The following ZNF536 variants were observed in gnomAD, a reference collection of about 807,000 sequenced individuals.
ZNF536 encodes zinc finger protein 536.
In ZNF536, 13 loss-of-function variants were observed where a neutral mutation model predicts 84.5. The ratio of observed to expected loss-of-function variants is 0.15; its 90% CI spans 0.10 to 0.24. ZNF536 has a LOEUF of 0.24. Ranked by LOEUF, ZNF536 falls within the 10% of genes least tolerant of loss-of-function variation. ZNF536 has a pLI of 1.00. For missense variants in ZNF536, 1,536 were observed against 1,747.5 expected, an observed-to-expected ratio of 0.88 and a Z score of 2.16; for synonymous variants, 811 against 742.5, an observed-to-expected ratio of 1.09 and a Z score of -1.50.
At chr19:30,689,742 A>C (rs891622818) in intron 1 of ZNF536, among the ~76,000 whole-genome samples, 1 of 152,206 alleles carries the variant, frequency 6.6e-6, no homozygotes, top group African/African-American at 2.4e-5. Flanking sequence ...CAGGGAGGGC[A>C]AAAGCTCCTA....
At chr19:30,687,455 G>T (rs1040179856) in intron 1 of ZNF536, among the ~76,000 whole-genome samples, 3 of 152,144 alleles carry the variant, frequency 2.0e-5, no homozygotes, top group Non-Finnish European at 4.4e-5. Context: ...CTTTAAAGCT[G>T]AATTTATTTT....
rs768334182 is a variant in ZNF536 at position 30,549,297 on chromosome 19, C to T, written c.3678C>T (p.Ser1226=). The change falls in exon 4 of 5, where the codon TCC becomes TCT. Residue 1226 remains serine (S), a synonymous_variant. Coordinates refer to ENST00000355537, the MANE Select transcript of ZNF536 (RefSeq NM_014717.3). The part of the protein sequence containing the change: ...QPVQGLVSPL[S]QAPEKQWHSQ... ...TCCAGGGACTGGTCTCACCTTTATC[C>T]CAAGCACCGGAGAAGCAGTGGCACA... 1 of 1,613,346 alleles carries T rather than the reference C, an allele frequency of 6.2e-7. No homozygotes were observed.
chr19:30,619,695 G>A (rs1337080038), intron 1 of ZNF536, among the ~76,000 whole-genome samples: 1 of 152,178 alleles, frequency 6.6e-6, no homozygotes, highest in African/African-American at 2.4e-5. Context: ...ACACACATGT[G>A]ATCCACTTAT....
intron 1 of ZNF536, among the ~76,000 whole-genome samples, chr19:30,709,415 C>G (rs2052373701): frequency 6.6e-6 from 1 of 152,142 alleles, no homozygotes; most frequent in Non-Finnish European, 1.5e-5. Context: ...TGACACCCCT[C>G]ACTCACCCCA....
intron 1 of ZNF536, among the ~76,000 whole-genome samples, chr19:30,576,023 A>G (rs986226686): frequency 6.6e-6 from 1 of 152,330 alleles, no homozygotes; most frequent in African/African-American, 2.4e-5. Flanking sequence ...GGCTCGGCTC[A>G]TGGTATAAGG....
At chr19:30,398,400 T>A (rs964454910) in intron 1 of ZNF536, among the ~76,000 whole-genome samples, 5 of 151,496 alleles carry the variant, frequency 3.3e-5, no homozygotes, top group African/African-American at 7.3e-5. Context: ...TTTTTTTTTT[T>A]AAATTATAGT....
upstream of ZNF536, among the ~76,000 whole-genome samples, chr19:30,227,763 T>A (rs916524381): frequency 8.8e-4 from 133 of 150,790 alleles, no homozygotes; most frequent in African/African-American, 3.0e-3. Flanking sequence ...CCGCCGCCGC[T>A]GTGCAATTTA....
chr19:30,306,389 T>C (rs1319489015), intron 2 of ZNF536, among the ~76,000 whole-genome samples: 6 of 152,198 alleles, frequency 3.9e-5, no homozygotes, highest in African/African-American at 1.4e-4. Flanking sequence ...GATTATTCTC[T>C]TTTCTCTGCT....
chr19:30,683,601 G>A (rs914534077), intron 1 of ZNF536, among the ~76,000 whole-genome samples: 9 of 151,400 alleles, frequency 5.9e-5, no homozygotes, highest in South Asian at 2.1e-4. Context: ...TGCCTTCTAC[G>A]CTGTCAAGGC....
At chr19:30,504,292 C>CTCCT (rs1379963936) in intron 2 of ZNF536, among the ~76,000 whole-genome samples, 1 of 147,340 alleles carries the variant, frequency 6.8e-6, no homozygotes, top group African/African-American at 2.5e-5. Flanking sequence ...CCCTCCCTCC[C>CTCCT]TCCTTCCTTC....
At position 30,303,911 on chromosome 19, in the gene ZNF536, G is replaced by A. The variant is rs535665857; in HGVS notation, c.-120+19770G>A. Among the ~76,000 whole-genome samples, 7 of 152,264 alleles carry A rather than the reference G, an allele frequency of 4.6e-5. No individual in the cohort carries two copies. The East Asian group carries it at 7.7e-4, about 17-fold the overall frequency. On this transcript the variant is annotated intron_variant, in intron 2 of 5. Coordinates refer to the ZNF536 transcript ENST00000585628. ...ACGACTCTGCCTGGGTGTGTCCTTC[G>A]TCACTGGTGTGTGTCTAGTCTGTCA...
At position 30,549,207 on chromosome 19, in the gene ZNF536, C is replaced by T. The variant is rs201469175; in HGVS notation, c.3588C>T (p.Ala1196=). The change falls in exon 4 of 5, where the codon GCC becomes GCT. Residue 1196 remains alanine, a synonymous_variant. Coordinates refer to ENST00000355537, the MANE Select transcript of ZNF536 (RefSeq NM_014717.3). Reference sequence around the variant, plus strand: ...AAATGATGACCAAGCCACTGTCTGCCCTCAGCAAAGACAGCAGCAGCGATG... The same window carrying T: ...AAATGATGACCAAGCCACTGTCTGCTCTCAGCAAAGACAGCAGCAGCGATG... ...EPEMMTKPLS[A]LSKDSSSDGG... is the part of the protein sequence containing the mutation. 2 of 1,614,090 alleles carry T rather than the reference C, an allele frequency of 1.2e-6. No individual in the cohort carries two copies. Among genetic ancestry groups the T allele is most frequent in the Admixed American group, 1.7e-5 (1 of 60,032 alleles).
chr19:30,505,204 ATATAT>A (rs531514826), intron 2 of ZNF536, among the ~76,000 whole-genome samples: 105 of 146,552 alleles, frequency 7.2e-4, no homozygotes, highest in African/African-American at 2.6e-3. Flanking sequence ...TATTCTCTCT[ATATAT>A]TATATTATTA....
Position 30,627,468 on chromosome 19 carries a change from CAAAAAAAAAAAAAAAAAAAAA to C in ZNF536, c.169+77969_169+77989del, listed in dbSNP as rs569312789. On this transcript the variant is annotated intron_variant, in intron 1 of 1. Coordinates refer to the ZNF536 transcript ENST00000592773. ...CCTGGGTGACAGACCAAGGCCCTGT[CAAAAAAAAAAAAAAAAAAAAA>C]AAAAAAAAAAAAAAGGCTTTCTATG... Among the ~76,000 whole-genome samples the C allele has an allele frequency of 6.3e-4, 33 of 52,052 alleles. 1 individual carries two copies. The highest frequency in any genetic ancestry group is 2.5e-3 in the African/African-American group (27 of 10,650). The allele number at this position is 52,052 out of a possible 152,430, so 34.1% of individuals were successfully genotyped here.
chr19:30,338,015 A>G (rs1175501352), intron 2 of ZNF536, among the ~76,000 whole-genome samples: 2 of 151,450 alleles, frequency 1.3e-5, no homozygotes, highest in African/African-American at 2.4e-5. Context: ...GATGATGATG[A>G]TGGTGGTGGA....
intron 1 of ZNF536, among the ~76,000 whole-genome samples, chr19:30,702,350 C>G (rs151172801): frequency 8.4e-4 from 128 of 152,114 alleles, no homozygotes; most frequent in African/African-American, 3.0e-3. Flanking sequence ...TACGGCGCAG[C>G]GACAATACAA....
At chr19:30,564,124 A>G (rs62103394) in intron 1 of ZNF536, among the ~76,000 whole-genome samples, 9,899 of 152,252 alleles carry the variant, frequency 0.065, 436 homozygotes, top group Middle Eastern at 0.15. Flanking sequence ...AATGCAGTTC[A>G]AAGAGAAGAA....
Position 30,278,302 on chromosome 19 carries a change from G to A in ZNF536, c.-189-5770G>A, listed in dbSNP as rs570958584. ...GGGCTGGGAGGGTTTGAATTGGCTC[G>A]TTTGAGTGGTTTCCACAGGCATGGA... On this transcript the variant is annotated intron_variant, in intron 1 of 5. Coordinates refer to the ZNF536 transcript ENST00000585628. 1.3e-4 allele frequency among the ~76,000 whole-genome samples: 20 copies of A among 152,262 alleles called. No homozygotes were observed. In the South Asian group the frequency reaches 3.5e-3, roughly 27 times the overall value.
chr19:30,282,073 G>A (rs917997063), intron 1 of ZNF536, among the ~76,000 whole-genome samples: 1 of 152,208 alleles, frequency 6.6e-6, no homozygotes, highest in Admixed American at 6.5e-5. Context: ...CCTGCATCAC[G>A]AGAGCATCTG....
Sources: allele counts gnomAD v4.1 joint callset (sites outside exome capture counted in the v4.1 genomes callset), GRCh38; gene constraint gnomAD v4.1.1; transcripts MANE v1.5; gene names NCBI Gene and HGNC (gene_info 2026-07-23, HGNC 2026-07-21).